EPM2A: variants seen among roughly 807,000 people sequenced by gnomAD.
EPM2A encodes laforin.
In EPM2A, 21 loss-of-function variants were observed where a neutral mutation model predicts 26.5. The ratio of observed to expected loss-of-function variants is 0.79; its 90% confidence interval spans 0.56 to 1.14. EPM2A has a LOEUF of 1.14. EPM2A is among the 50% of genes most tolerant of loss of function. EPM2A has a pLI of 0.00. For missense variants in EPM2A, 458 were observed against 440.8 expected (o/e 1.04, Z -0.35); for synonymous variants, 217 against 177.6 (o/e 1.22, Z -1.76).
chr6:145,421,750 T>C (rs1778786157), intron 4 of EPM2A, among the ~76,000 whole-genome samples: 3 of 151,828 alleles, frequency 2.0e-5, no homozygotes, highest in Non-Finnish European at 4.4e-5. Flanking sequence ...ATAAAACATA[T>C]GTGTTATCTA....
chr6:145,461,304 T>G (rs1344125017), intron 4 of EPM2A, among the ~76,000 whole-genome samples: 1 of 152,136 alleles, frequency 6.6e-6, no homozygotes, highest in Admixed American at 6.6e-5. Context: ...TTGCTTGGAG[T>G]GCACCATAGT....
intron 1 of EPM2A, among the ~76,000 whole-genome samples, chr6:145,727,182 C>T (rs965306066): frequency 6.6e-6 from 1 of 152,054 alleles, no homozygotes; most frequent in Non-Finnish European, 1.5e-5. Flanking sequence ...ATAGAAACCA[C>T]ACCCAAATAT....
In EPM2A at chr6:145,431,221, A is replaced by C. The variant is rs1189098900; in HGVS notation, c.556-47124T>G. 2.6e-5 allele frequency among the ~76,000 whole-genome samples: 4 copies of C among 152,344 alleles called. No homozygotes were observed. The South Asian group carries it at 8.3e-4, about 32-fold the overall frequency. ...GGTCAAGGGTCAAAGATTTTGCAAAAGAGAACAGAATACACTAGAGTCCTA... is the reference window on the plus strand; with the variant it reads ...GGTCAAGGGTCAAAGATTTTGCAAACGAGAACAGAATACACTAGAGTCCTA... On this transcript the variant is annotated intron_variant, in intron 4 of 4. Transcript: ENST00000638717.
chr6:145,728,728 T>C (rs1309440449), intron 1 of EPM2A, among the ~76,000 whole-genome samples: 1 of 152,162 alleles, frequency 6.6e-6, no homozygotes, highest in Non-Finnish European at 1.5e-5. Context: ...AGCCTTGCCA[T>C]GTGGTAGAAA....
chr6:145,672,784 C>T (rs1167984745), intron 2 of EPM2A, among the ~76,000 whole-genome samples: 1 of 152,240 alleles, frequency 6.6e-6, no homozygotes, highest in Non-Finnish European at 1.5e-5. Context: ...GCCTCCTACA[C>T]TCAGGTCCCA....
At chr6:145,433,121 C>T (rs1331567512) in intron 4 of EPM2A, among the ~76,000 whole-genome samples, 1 of 152,132 alleles carries the variant, frequency 6.6e-6, no homozygotes, top group African/African-American at 2.4e-5. Flanking sequence ...ATAAGGTTGT[C>T]TCATTTTCTT....
At chr6:145,477,186 T>C (rs1582785850) in intron 4 of EPM2A, among the ~76,000 whole-genome samples, 1 of 151,616 alleles carries the variant, frequency 6.6e-6, no homozygotes, top group African/African-American at 2.4e-5. Context: ...AATTGGAAAA[T>C]GGACAAAGTC....
At chr6:145,710,930 A>T (rs1427283983) in intron 1 of EPM2A, among the ~76,000 whole-genome samples, 1 of 137,940 alleles carries the variant, frequency 7.2e-6, no homozygotes, top group African/African-American at 2.7e-5. Context: ...ATGAGAACAC[A>T]TGGACACAGG....
intron 2 of EPM2A, among the ~76,000 whole-genome samples, chr6:145,513,370 T>C (rs1440259698): frequency 6.6e-6 from 1 of 152,072 alleles, no homozygotes; most frequent in Non-Finnish European, 1.5e-5. Context: ...GTTACATCAA[T>C]CAGAATGGCT....
chr6:145,659,344 T>A (rs1490373678), intron 2 of EPM2A, among the ~76,000 whole-genome samples: 1 of 152,180 alleles, frequency 6.6e-6, no homozygotes, highest in East Asian at 1.9e-4. Flanking sequence ...GATAAAAATA[T>A]AAAGCACAAT....
chr6:145,627,846 G>T, intron 3 of EPM2A, 153 bp from the exon 4 acceptor site: 1 of 1,106,944 alleles, frequency 9.0e-7, no homozygotes, highest in Non-Finnish European at 1.3e-6. Context: ...GAAGGAAAAA[G>T]TGAGACCATT....
chr6:145,451,805 C>G (rs1013811189), intron 4 of EPM2A, among the ~76,000 whole-genome samples: 1 of 152,000 alleles, frequency 6.6e-6, no homozygotes, highest in African/African-American at 2.4e-5. Context: ...ATTTGTATTA[C>G]AGTAAATATG....
At chr6:145,659,137 A>G (rs1409382004) in intron 2 of EPM2A, among the ~76,000 whole-genome samples, 1 of 149,278 alleles carries the variant, frequency 6.7e-6, no homozygotes, top group East Asian at 2.1e-4. Flanking sequence ...TTTCAAGTAA[A>G]TGTTAATCCA....
chr6:145,482,304 T>C (rs1248314908), intron 4 of EPM2A, among the ~76,000 whole-genome samples: 1 of 152,140 alleles, frequency 6.6e-6, no homozygotes, highest in East Asian at 1.9e-4. Context: ...GAAATTATGC[T>C]GGAAAAATGC....
At chr6:145,621,406 G>C (rs1775630610), downstream of EPM2A, among the ~76,000 whole-genome samples, 1 of 152,160 alleles carries the variant, frequency 6.6e-6, no homozygotes, top group Admixed American at 6.5e-5. Flanking sequence ...ACATGGAAGT[G>C]CAGAAATTTC....
At chr6:145,656,454 T>C (rs758229074) in intron 2 of EPM2A, among the ~76,000 whole-genome samples, 40 of 152,188 alleles carry the variant, frequency 2.6e-4, no homozygotes, top group Non-Finnish European at 5.1e-4. Flanking sequence ...GCCCTGAAAC[T>C]AACATATAGT....
intron 2 of EPM2A, among the ~76,000 whole-genome samples, chr6:145,682,814 T>TA (rs962684925): frequency 6.6e-6 from 1 of 152,102 alleles, no homozygotes; most frequent in African/African-American, 2.4e-5. Flanking sequence ...ATCCCAACCA[T>TA]AAAAAAATTC....
intron 4 of EPM2A, among the ~76,000 whole-genome samples, chr6:145,403,297 T>G (rs186973975): frequency 9.1e-4 from 139 of 152,230 alleles, no homozygotes; most frequent in Middle Eastern, 3.4e-3. Flanking sequence ...GTATTGACTA[T>G]AGTCAACCTA....
intron 4 of EPM2A, among the ~76,000 whole-genome samples, chr6:145,488,905 G>A (rs745995209): frequency 6.6e-5 from 10 of 152,072 alleles, no homozygotes; most frequent in South Asian, 6.2e-4. Context: ...GAACTTAAGC[G>A]AAAAATAACT....
Sources: allele counts gnomAD v4.1 joint callset (sites outside exome capture counted in the v4.1 genomes callset), GRCh38; gene constraint gnomAD v4.1.1; transcripts MANE v1.5; gene names NCBI Gene and HGNC (gene_info 2026-07-23, HGNC 2026-07-21).